OSBPL5: variants seen among roughly 807,000 people sequenced by gnomAD.
OSBPL5 encodes oxysterol-binding protein-related protein 5.
In OSBPL5, 71 loss-of-function variants were observed where a neutral mutation model predicts 111.2. The ratio of observed to expected loss-of-function variants is 0.64; its 90% confidence interval spans 0.53 to 0.78. OSBPL5 has a LOEUF of 0.78. OSBPL5 is among the 30% of genes least tolerant of loss of function. The pLI is 0.00. For synonymous variants in OSBPL5, 549 were observed against 513.9 expected (o/e 1.07, Z -0.93); for missense variants, 1,210 against 1,189.3 (o/e 1.02, Z -0.26).
intron 10 of OSBPL5, among the ~76,000 whole-genome samples, chr11:3,103,820 G>GCCCCCTTC (rs1857579700): frequency 4.0e-4 from 11 of 27,182 alleles, no homozygotes; most frequent in East Asian, 2.1e-3. Flanking sequence ...TCCTGCCTGC[G>GCCCCCTTC]CAGCCCCCTT....
intron 7 of OSBPL5, among the ~76,000 whole-genome samples, chr11:3,118,545 G>A (rs1262440376): frequency 1.3e-5 from 2 of 151,650 alleles, no homozygotes; most frequent in African/African-American, 4.9e-5. Flanking sequence ...TCACAGGCAC[G>A]GCCTCAACCT....
At chr11:3,100,341 T>C (rs779373912) in intron 13 of OSBPL5, 85 bp from the exon 14 acceptor site, 156 of 1,195,118 alleles carry the variant, frequency 1.3e-4, no homozygotes, top group Non-Finnish European at 1.8e-4. Context: ...GGGTCTGAGC[T>C]CCTTCCAACA....
intron 13 of OSBPL5, 112 bp from the exon 14 acceptor site, chr11:3,100,368 G>T: frequency 3.5e-6 from 3 of 852,072 alleles, no homozygotes; most frequent in Non-Finnish European, 3.8e-6. Flanking sequence ...CACGCTCCTG[G>T]CACTTCCAGT....
At chr11:3,097,528 C>T (rs774528160) in intron 14 of OSBPL5, among the ~76,000 whole-genome samples, 6 of 152,084 alleles carry the variant, frequency 3.9e-5, no homozygotes, top group East Asian at 3.9e-4. Flanking sequence ...GCCAACAAAA[C>T]GAAAACAAAC....
At chr11:3,096,260 C>T (rs531381306) in intron 14 of OSBPL5, among the ~76,000 whole-genome samples, 9 of 152,228 alleles carry the variant, frequency 5.9e-5, no homozygotes, top group Non-Finnish European at 1.3e-4. Flanking sequence ...ATTGTAGACT[C>T]GATGACAACT....
intron 10 of OSBPL5, among the ~76,000 whole-genome samples, chr11:3,103,775 GC>G (rs1356487065): frequency 0.051 from 2,496 of 48,626 alleles, 91 homozygotes; most frequent in African/African-American, 0.1. Flanking sequence ...CCCCCTTCCA[GC>G]CTCTGCAGTC....
chr11:3,139,132 C>T (rs1352440846), intron 1 of OSBPL5, among the ~76,000 whole-genome samples: 4 of 152,194 alleles, frequency 2.6e-5, no homozygotes, highest in Non-Finnish European at 5.9e-5. Context: ...CCCCACTGCC[C>T]ACCCACACAC....
rs183137070 is a variant in OSBPL5 at position 3,107,588 on chromosome 11, G to A, written c.867-133C>T. The A allele has an allele frequency of 1.5e-4, 203 of 1,357,680 alleles. No homozygotes were observed. The highest frequency in any genetic ancestry group is 2.0e-4 in the Non-Finnish European group (194 of 977,054). The allele number at this position is 1,357,680 out of a possible 1,614,324, so 84.1% of individuals were successfully genotyped here. A position where few individuals can be genotyped will look rare whatever the true frequency, so the allele number is the denominator to read the frequency against. On this transcript the variant is annotated intron_variant, in intron 8 of 21. Coordinates refer to ENST00000263650, the MANE Select transcript of OSBPL5 (RefSeq NM_020896.4). This position sits in a 1 kb window ranked among gnomAD's most constrained non-coding sequence, Gnocchi z 6.1. ...GTCGTCACCTCCACAACCCACATTT[G>A]ACACGATCAGCCCCGTTTTAGAGGA...
chr11:3,122,467 G>A, intron 3 of OSBPL5, 39 bp from the exon 4 acceptor site: 9 of 1,595,248 alleles, frequency 5.6e-6, no homozygotes, highest in Non-Finnish European at 7.7e-6. Context: ...AGGGCACAGG[G>A]GCCGGCCCAG....
intron 3 of OSBPL5, among the ~76,000 whole-genome samples, chr11:3,122,847 A>T (rs938762965): frequency 6.6e-6 from 1 of 152,192 alleles, no homozygotes; most frequent in Non-Finnish European, 1.5e-5. Flanking sequence ...CAGAGGGTGG[A>T]GTTCGCAGAA....
chr11:3,125,811 A>T (rs1212747308), intron 3 of OSBPL5, among the ~76,000 whole-genome samples: 7 of 145,840 alleles, frequency 4.8e-5, no homozygotes, highest in African/African-American at 1.0e-4. Flanking sequence ...TCTCAAAAAA[A>T]AAAAAAAAAA....
At chr11:3,119,347 T>C (rs1398924116) in intron 7 of OSBPL5, among the ~76,000 whole-genome samples, 200 bp downstream of exon 7, 1 of 152,156 alleles carries the variant, frequency 6.6e-6, no homozygotes, top group Non-Finnish European at 1.5e-5. Context: ...ATTTTACTCA[T>C]GGGAAAACTG....
At chr11:3,151,509 A>G (rs565900055) in intron 1 of OSBPL5, among the ~76,000 whole-genome samples, 1 of 152,304 alleles carries the variant, frequency 6.6e-6, no homozygotes, top group African/African-American at 2.4e-5. Context: ...CTGCCAGCAC[A>G]GCTGTCTTCC....
At chr11:3,112,625 T>C (rs1590667706) in intron 7 of OSBPL5, among the ~76,000 whole-genome samples, 1 of 152,196 alleles carries the variant, frequency 6.6e-6, no homozygotes, top group Non-Finnish European at 1.5e-5. Flanking sequence ...TGGTCTAACC[T>C]CATGATAATT....
intron 1 of OSBPL5, among the ~76,000 whole-genome samples, chr11:3,152,152 GC>G (rs1336522119): frequency 6.6e-6 from 1 of 152,236 alleles, no homozygotes; most frequent in Non-Finnish European, 1.5e-5. Context: ...AGGCAGGGTG[GC>G]CCTGGGGGCA....
intron 1 of OSBPL5, among the ~76,000 whole-genome samples, chr11:3,135,037 G>A (rs1366117603): frequency 3.3e-5 from 5 of 152,224 alleles, no homozygotes; most frequent in Admixed American, 3.3e-4. Context: ...CTGGCCCTCT[G>A]CAGGGGGCTC....
rs1373041804 is a variant in OSBPL5 at position 3,105,121 on chromosome 11, G to A, written c.1060-744C>T. On this transcript the variant is annotated intron_variant, in intron 9 of 21. Transcript: ENST00000263650. This position sits in a 1 kb window ranked among gnomAD's most constrained non-coding sequence, Gnocchi z 5.2. ...CCTCACCGCAGCCCCAGGGAACGGG[G>A]ACCCTGGTCCTCCCCCTCCACAGAG... 6.6e-6 allele frequency among the ~76,000 whole-genome samples: 1 copy of A among 152,158 alleles called. No homozygotes were observed. The highest frequency in any genetic ancestry group is 1.5e-5 in the Non-Finnish European group (1 of 68,018).
chr11:3,122,270 G>A (rs1858446405), intron 4 of OSBPL5, 78 bp downstream of exon 4: 1 of 1,490,760 alleles, frequency 6.7e-7, no homozygotes, highest in Non-Finnish European at 9.2e-7. Context: ...TTGACAGGTG[G>A]GGAGGGTGAC....
intron 1 of OSBPL5, among the ~76,000 whole-genome samples, chr11:3,157,549 G>A (rs1846814389): frequency 6.6e-6 from 1 of 152,256 alleles, no homozygotes; most frequent in Non-Finnish European, 1.5e-5. Context: ...GCCCCAGCCA[G>A]CTTGACTGGG....
Sources: allele counts gnomAD v4.1 joint callset (sites outside exome capture counted in the v4.1 genomes callset), GRCh38; gene constraint gnomAD v4.1.1; non-coding constraint Gnocchi (gnomAD v3.1); transcripts MANE v1.5; gene names NCBI Gene and HGNC (gene_info 2026-07-23, HGNC 2026-07-21).